Variants in YEATS4 observed in about 807,000 individuals in gnomAD.
YEATS4 encodes YEATS domain containing 4.
YEATS4 carries 17 observed loss-of-function variants against 30.1 expected under a neutral mutation model. The observed-to-expected ratio is 0.56, with a 90% CI of 0.39 to 0.85. The LOEUF (loss-of-function observed/expected upper bound fraction) is 0.85, where lower values mean the gene tolerates loss of function less well. Ranked by LOEUF, YEATS4 falls within the 40% of genes least tolerant of loss-of-function variation. YEATS4 has a pLI of 0.00. For synonymous variants in YEATS4, 85 were observed against 87.5 expected, an observed-to-expected ratio of 0.97 and a Z score of 0.16; for missense variants, 142 against 268.3, an observed-to-expected ratio of 0.53 and a Z score of 3.29.
Position 69,362,981 on chromosome 12 carries a change from A to AATTTTTTTTTTTTTTTTTTTTTTTT in YEATS4, c.171+74_171+75insATTTTTTTTTTTTTTTTTTTTTTTT, listed in dbSNP as rs1198849494. 9 of 307,590 alleles carry AATTTTTTTTTTTTTTTTTTTTTTTT rather than the reference A, an allele frequency of 2.9e-5. 4 individuals carry two copies. Among genetic ancestry groups the AATTTTTTTTTTTTTTTTTTTTTTTT allele is most frequent in the African/African-American group, 3.6e-5 (1 of 27,712 alleles). 19.1% of individuals were successfully genotyped at this position (307,590 alleles called of 1,614,324 possible). On this transcript the variant is annotated intron_variant, in intron 2 of 6. Coordinates refer to ENST00000247843, the MANE Select transcript of YEATS4 (RefSeq NM_006530.4). ...TTTGTTTTGCTTAAAGACAACCTGT[A>AATTTTTTTTTTTTTTTTTTTTTTTT]GTTTTTTTTTTTTTTTTTTTTTTTT...
At chr12:69,399,975 G>A in the YEATS4 span, among the ~76,000 whole-genome samples, 1 of 152,314 alleles carries the variant, frequency 6.6e-6, no homozygotes, top group East Asian at 1.9e-4. Context: ...GATGGGTGGG[G>A]AAGGGAGGAT....
the YEATS4 span, among the ~76,000 whole-genome samples, chr12:69,399,151 A>C: frequency 5.9e-5 from 9 of 152,136 alleles, no homozygotes; most frequent in South Asian, 2.1e-4. Context: ...CGTCCCCCCC[A>C]AAAAAACAAA....
At chr12:69,391,304 A>C (rs1262049319), downstream of YEATS4, among the ~76,000 whole-genome samples, 1 of 152,088 alleles carries the variant, frequency 6.6e-6, no homozygotes, top group Non-Finnish European at 1.5e-5. Flanking sequence ...AAAAAAAAAA[A>C]AAAAATTAAA....
At chr12:69,387,623 G>A (rs1868267556) in intron 6 of YEATS4, among the ~76,000 whole-genome samples, 1 of 152,230 alleles carries the variant, frequency 6.6e-6, no homozygotes, top group Non-Finnish European at 1.5e-5. Context: ...ACAGCTCTGT[G>A]TTATAGGGTG....
At chr12:69,378,292 G>C (rs1022017445) in intron 6 of YEATS4, among the ~76,000 whole-genome samples, 1 of 151,906 alleles carries the variant, frequency 6.6e-6, no homozygotes, top group African/African-American at 2.4e-5. Context: ...TACATCACTG[G>C]GTCTTGTTTT....
At position 69,390,154 on chromosome 12, in the gene YEATS4, G is replaced by A; in HGVS notation, c.522G>A (p.Glu174=). 6.3e-7 allele frequency: 1 copy of A among 1,582,936 alleles called. No individual in the cohort carries two copies. The highest frequency in any genetic ancestry group is 2.3e-5 in the East Asian group (1 of 44,382). ...AGTATTTGTTTTCTTTAGTTGCAGA[G>A]CTTGAAGTGAAAACCAGAGAAAAAT... The part of the protein sequence containing the change: ...GAYKHETEFA[E]LEVKTREKLE... Residue 174 remains glutamate, a synonymous_variant, in exon 7 of 7, where the codon GAG becomes GAA. Coordinates refer to ENST00000247843, the MANE Select transcript of YEATS4 (RefSeq NM_006530.4).
intron 6 of YEATS4, among the ~76,000 whole-genome samples, chr12:69,380,873 T>A (rs1876049566): frequency 6.6e-6 from 1 of 152,086 alleles, no homozygotes; most frequent in Non-Finnish European, 1.5e-5. Flanking sequence ...AACCAGCAAG[T>A]TTTTATTAGT....
chr12:69,387,051 C>T (rs1042920544), intron 6 of YEATS4, among the ~76,000 whole-genome samples: 3 of 151,998 alleles, frequency 2.0e-5, no homozygotes, highest in Non-Finnish European at 2.9e-5. Context: ...ATTTTCAGAC[C>T]GCTATTGACA....
In YEATS4 at chr12:69,359,859, C is replaced by T. The variant is rs558889871; in HGVS notation, c.-114C>T. Reference sequence around the variant, plus strand: ...GCCCAAGTAACTCGCCCTCCTTCGGCTAGAAACCCTCCGCCTGGGCCCGCG... The same window carrying T: ...GCCCAAGTAACTCGCCCTCCTTCGGTTAGAAACCCTCCGCCTGGGCCCGCG... On this transcript the variant is annotated 5_prime_UTR_variant, in exon 1 of 7. Transcript: ENST00000247843. 2 of 1,352,350 alleles carry T rather than the reference C, an allele frequency of 1.5e-6. No homozygotes were observed. Among genetic ancestry groups the T allele is most frequent in the African/African-American group, 1.5e-5 (1 of 67,602 alleles). 83.8% of individuals were successfully genotyped at this position (1,352,350 alleles called of 1,614,324 possible). A position where few individuals can be genotyped will look rare whatever the true frequency, so the allele number is the denominator to read the frequency against.
chr12:69,417,522 C>T, the YEATS4 span, among the ~76,000 whole-genome samples: 7 of 152,056 alleles, frequency 4.6e-5, no homozygotes, highest in Non-Finnish European at 4.4e-5. Flanking sequence ...CAGATGAGAA[C>T]GTATGACCGA....
intron 6 of YEATS4, among the ~76,000 whole-genome samples, chr12:69,386,343 T>C (rs915758344): frequency 2.0e-5 from 3 of 152,230 alleles, no homozygotes; most frequent in Non-Finnish European, 4.4e-5. Context: ...CTGGCTAGTT[T>C]TAAAACTACC....
chr12:69,389,450 CAA>C (rs11333279), intron 6 of YEATS4, among the ~76,000 whole-genome samples: 119 of 99,440 alleles, frequency 1.2e-3, no homozygotes, highest in Middle Eastern at 8.3e-3. Context: ...GACTCCATCT[CAA>C]AAAAAAAAAA....
chr12:69,425,858 G>A, the YEATS4 span, among the ~76,000 whole-genome samples: 1 of 152,232 alleles, frequency 6.6e-6, no homozygotes, highest in Non-Finnish European at 1.5e-5. Flanking sequence ...CCCGCTTCCT[G>A]ATGCCCCACT....
In YEATS4 at chr12:69,386,614, C is replaced by T. The variant is rs190479621; in HGVS notation, c.515-3533C>T. The stretch of plus-strand genomic sequence containing the variant: ...CTGTACCCCAGCATCTAACAAAGCG[C>T]ATATCATTCAGTGTGTTTTTTAAAT... On this transcript the variant is annotated intron_variant, in intron 6 of 6. Transcript: ENST00000247843. Among the ~76,000 whole-genome samples, 55 of 152,220 alleles carry T rather than the reference C, an allele frequency of 3.6e-4. 1 individual carries two copies. In the East Asian group the frequency reaches 9.3e-3, roughly 26 times the overall value.
chr12:69,418,687 T>C, the YEATS4 span, among the ~76,000 whole-genome samples: 1 of 152,188 alleles, frequency 6.6e-6, no homozygotes, highest in Non-Finnish European at 1.5e-5. Flanking sequence ...TAGCATTAAC[T>C]CTCATCTGTT....
the YEATS4 span, among the ~76,000 whole-genome samples, chr12:69,410,353 A>C: frequency 6.6e-6 from 1 of 152,202 alleles, no homozygotes; most frequent in African/African-American, 2.4e-5. Context: ...ACTGAATAGG[A>C]AATTCTATAT....
the YEATS4 span, among the ~76,000 whole-genome samples, chr12:69,411,946 GT>G: frequency 2.6e-5 from 4 of 152,200 alleles, no homozygotes; most frequent in African/African-American, 9.7e-5. Context: ...AAGGACTTTA[GT>G]TTTTATTCCA....
chr12:69,397,470 G>C, the YEATS4 span, among the ~76,000 whole-genome samples: 1 of 152,068 alleles, frequency 6.6e-6, no homozygotes, highest in Non-Finnish European at 1.5e-5. Flanking sequence ...GGTTTTTCCT[G>C]TGCTGTTCTC....
Position 69,362,793 on chromosome 12 carries a change from T to TA in YEATS4, c.58dup (p.Thr20AsnfsTer4). 1.9e-6 allele frequency: 3 copies of TA among 1,601,916 alleles called. No homozygotes were observed. Among genetic ancestry groups the TA allele is most frequent in the Non-Finnish European group, 1.7e-6 (2 of 1,172,590 alleles). On this transcript the variant is annotated frameshift_variant, in exon 2 of 7. Coordinates refer to ENST00000247843, the MANE Select transcript of YEATS4 (RefSeq NM_006530.4). LOFTEE classifies it high-confidence loss of function. ...TAAAATTATTTTTCTTTTAGGGTGT[T>TA]ACTATCGTTAAACCAATAGTTTACG...
Sources: gnomAD v4.1 joint callset for allele counts (sites outside exome capture counted in the v4.1 genomes callset) on GRCh38, gnomAD v4.1.1 for gene constraint, MANE v1.5 for transcripts, NCBI Gene and HGNC (gene_info 2026-07-23, HGNC 2026-07-21) for gene names.